SLC9A9: variants seen among roughly 807,000 people sequenced by gnomAD.
SLC9A9 encodes solute carrier family 9 member A9.
A neutral mutation model predicts 77.8 loss-of-function variants in SLC9A9; 62 were observed. The ratio of observed to expected loss-of-function variants is 0.80; its 90% CI spans 0.65 to 0.98. The LOEUF is 0.98. Among genes scored for constraint, SLC9A9 ranks in the 50% least tolerant of loss-of-function variants. The pLI is 0.00. For synonymous variants in SLC9A9, 320 were observed against 283.5 expected (o/e 1.13, Z -1.29); for missense variants, 775 against 774.9 (o/e 1.00, Z 0.00).
intron 5 of SLC9A9, among the ~76,000 whole-genome samples, chr3:143,666,099 A>G (rs2039061612): frequency 6.6e-6 from 1 of 152,204 alleles, no homozygotes; most frequent in African/African-American, 2.4e-5. Context: ...AATACTGTCA[A>G]ACTGAATCCA....
intron 12 of SLC9A9, among the ~76,000 whole-genome samples, chr3:143,392,554 AT>A (rs1386860562): frequency 6.6e-6 from 1 of 151,176 alleles, no homozygotes; most frequent in Admixed American, 6.6e-5. Flanking sequence ...AACAAGCAAA[AT>A]AACCAGCTAA....
At chr3:143,567,439 T>C (rs1356786732) in intron 8 of SLC9A9, among the ~76,000 whole-genome samples, 1 of 152,274 alleles carries the variant, frequency 6.6e-6, no homozygotes, top group East Asian at 1.9e-4. Context: ...TCATCCTCTA[T>C]AAAGACTTCT....
chr3:143,555,658 T>C (rs1451756816), intron 8 of SLC9A9, among the ~76,000 whole-genome samples: 1 of 152,236 alleles, frequency 6.6e-6, no homozygotes, highest in Non-Finnish European at 1.5e-5. Flanking sequence ...CTAAAAAATA[T>C]TTCTGATATC....
chr3:143,764,484 A>G (rs1250825624), intron 4 of SLC9A9, among the ~76,000 whole-genome samples: 6 of 152,186 alleles, frequency 3.9e-5, no homozygotes, highest in African/African-American at 1.2e-4. Context: ...ATGCACAGTC[A>G]CCACCTCATG....
chr3:143,363,503 A>G lies in SLC9A9; in HGVS notation c.1585T>C (p.Trp529Arg). The part of the protein sequence containing the change: ...KAESARLFRM[W>R]YSFDHKYLKP... The stretch of plus-strand genomic sequence containing the variant: ...GGATACTTGTGGTCAAAGCTATACC[A>G]CATTCTGAAGAGCCGAGCACTCTCT... The change falls in exon 14 of 16, where the codon TGG becomes CGG. Residue 529 changes from tryptophan to arginine, a missense_variant. Physicochemically the swap from Trp to Arg is moderately radical, Grantham distance 101. Coordinates refer to ENST00000316549, the MANE Select transcript of SLC9A9 (RefSeq NM_173653.4). 1 of 1,613,080 alleles carries G rather than the reference A, an allele frequency of 6.2e-7. No homozygotes were observed. Among genetic ancestry groups the G allele is most frequent in the Non-Finnish European group, 8.5e-7 (1 of 1,179,268 alleles).
intron 14 of SLC9A9, among the ~76,000 whole-genome samples, chr3:143,269,344 G>A (rs142912375): frequency 6.6e-6 from 1 of 152,238 alleles, no homozygotes; most frequent in Admixed American, 6.5e-5. Context: ...GTACACACGC[G>A]TAGCTTAAAC....
At chr3:143,507,306 C>G (rs1223610822) in intron 9 of SLC9A9, among the ~76,000 whole-genome samples, 1 of 152,092 alleles carries the variant, frequency 6.6e-6, no homozygotes, top group African/African-American at 2.4e-5. Context: ...CTCCTGTGTT[C>G]ACGCCATTCT....
rs565900848 is a variant in SLC9A9, at chr3:143,786,080, C to T, written c.533+8921G>A. Among the ~76,000 whole-genome samples, 8 of 151,934 alleles carry T rather than the reference C, an allele frequency of 5.3e-5. No individual in the cohort carries two copies. In the South Asian group the frequency reaches 1.2e-3, roughly 24 times the overall value. On this transcript the variant is annotated intron_variant, in intron 4 of 15. Transcript: ENST00000316549. Reference sequence around the variant, plus strand: ...CCGTGTTAGCCAGGATGGTCTCGATCTCCTGACCTCGTGATCCGCCCGTCT... The same window carrying T: ...CCGTGTTAGCCAGGATGGTCTCGATTTCCTGACCTCGTGATCCGCCCGTCT...
intron 4 of SLC9A9, among the ~76,000 whole-genome samples, chr3:143,702,094 TAA>T (rs1933820982): frequency 6.6e-6 from 1 of 152,070 alleles, no homozygotes; most frequent in Non-Finnish European, 1.5e-5. Context: ...GCAGGAGAAA[TAA>T]AGACTTTCTC....
chr3:143,535,468 G>C (rs796093465), intron 9 of SLC9A9, among the ~76,000 whole-genome samples: 10 of 152,004 alleles, frequency 6.6e-5, no homozygotes, highest in African/African-American at 2.4e-4. Context: ...TTTATTTTTT[G>C]TTTGTTTAAC....
chr3:143,352,891 C>G (rs2032496886), intron 14 of SLC9A9, among the ~76,000 whole-genome samples: 1 of 152,162 alleles, frequency 6.6e-6, no homozygotes, highest in South Asian at 2.1e-4. Flanking sequence ...GCCACCAGTT[C>G]TCTGCATTAT....
intron 12 of SLC9A9, among the ~76,000 whole-genome samples, chr3:143,442,695 A>G (rs916334240): frequency 6.6e-6 from 1 of 152,242 alleles, no homozygotes; most frequent in Non-Finnish European, 1.5e-5. Flanking sequence ...ACCGCACTCC[A>G]GCCTGGGTGA....
At chr3:143,541,392 C>T (rs1021441412) in intron 9 of SLC9A9, among the ~76,000 whole-genome samples, 11 of 152,136 alleles carry the variant, frequency 7.2e-5, no homozygotes, top group East Asian at 5.8e-4. Flanking sequence ...CCTTGAGACA[C>T]GGAAGCCCTG....
chr3:143,811,809 C>A (rs763158230), intron 2 of SLC9A9: 2 of 435,622 alleles, frequency 4.6e-6, no homozygotes, highest in South Asian at 3.2e-5. Context: ...TTGCAGTGAG[C>A]CAGGATTGCA....
At chr3:143,583,435 G>A (rs2037489285) in intron 6 of SLC9A9, among the ~76,000 whole-genome samples, 2 of 152,154 alleles carry the variant, frequency 1.3e-5, no homozygotes, top group Admixed American at 1.3e-4. Context: ...TGAGACTTCA[G>A]TGTTTCTCTA....
intron 9 of SLC9A9, among the ~76,000 whole-genome samples, chr3:143,508,643 C>G (rs1305310761): frequency 6.6e-6 from 1 of 152,194 alleles, no homozygotes; most frequent in South Asian, 2.1e-4. Context: ...AATGGTACAA[C>G]AGTAATCAGA....
intron 6 of SLC9A9, among the ~76,000 whole-genome samples, chr3:143,636,970 T>C (rs1254627750): frequency 6.6e-6 from 1 of 152,152 alleles, no homozygotes; most frequent in African/African-American, 2.4e-5. Context: ...AGTCACACTT[T>C]CAAGGGGAAA....
intron 2 of SLC9A9, among the ~76,000 whole-genome samples, chr3:143,822,761 T>G (rs1296528753): frequency 6.6e-6 from 1 of 152,236 alleles, no homozygotes; most frequent in Non-Finnish European, 1.5e-5. Flanking sequence ...AAAGATCCAT[T>G]GTAAATATTA....
At chr3:143,469,465 C>A (rs372690075) in intron 11 of SLC9A9, among the ~76,000 whole-genome samples, 1 of 152,146 alleles carries the variant, frequency 6.6e-6, no homozygotes, top group African/African-American at 2.4e-5. Context: ...CTCAATGATC[C>A]ACTTTTTATA....
Sources: gnomAD v4.1 joint callset for allele counts (sites outside exome capture counted in the v4.1 genomes callset) on GRCh38, gnomAD v4.1.1 for gene constraint, MANE v1.5 for transcripts, NCBI Gene and HGNC (gene_info 2026-07-23, HGNC 2026-07-21) for gene names.